Variants in ACTN3 observed in about 807,000 individuals in gnomAD.
ACTN3 encodes the protein actinin alpha 3, also known as alpha-actinin-3.
ACTN3 carries 91 observed loss-of-function variants against 119.6 expected under a neutral mutation model. The observed-to-expected ratio is 0.76, with a 90% CI of 0.64 to 0.91. The LOEUF is 0.91. ACTN3 is among the 40% of genes least tolerant of loss of function. ACTN3 has a pLI of 0.00. For synonymous variants in ACTN3, 456 were observed against 478.8 expected (o/e 0.95, Z 0.62); for missense variants, 1,221 against 1,215.1 (o/e 1.00, Z -0.07).
chr11:66,547,696 C>T (rs773817733), intron 1 of ACTN3, among the ~76,000 whole-genome samples: 6 of 152,162 alleles, frequency 3.9e-5, no homozygotes, highest in Middle Eastern at 3.2e-3. Flanking sequence ...TCCCAAGATA[C>T]CCCAGGCATG....
At chr11:66,558,213 G>A (rs2134933950) in intron 11 of ACTN3, 39 bp downstream of exon 11, 3 of 1,605,664 alleles carry the variant, frequency 1.9e-6, no homozygotes, top group East Asian at 2.2e-5. Context: ...CTGTCTCTTG[G>A]GGTGGAGATT....
intron 1 of ACTN3, 83 bp downstream of exon 1, chr11:66,547,167 G>A: frequency 7.2e-7 from 1 of 1,386,782 alleles, no homozygotes; most frequent in Non-Finnish European, 9.4e-7. Flanking sequence ...GCAGTGCAGG[G>A]GCAGAGCTTG....
chr11:66,561,979 G>A, intron 17 of ACTN3, 43 bp from the exon 18 acceptor site: 1 of 1,564,330 alleles, frequency 6.4e-7, no homozygotes. Flanking sequence ...CAGTGGCCAG[G>A]CACTGGCCGC....
At position 66,562,930 on chromosome 11, in the gene ACTN3, C is replaced by T. The variant is rs753070963; in HGVS notation, c.2523C>T (p.Ser841=). The change falls in exon 20 of 21, where the codon TCC becomes TCT. Residue 841 remains serine (S), a synonymous_variant. Transcript: ENST00000513398. ...ETDTTEQVVA[S]FKILAGDKNY... is the part of the protein sequence containing the mutation. ...ACACGACTGAGCAAGTTGTAGCTTC[C>T]TTCAAGATCTTGGCAGGAGACAAGG... 4 of 1,613,448 alleles carry T rather than the reference C, an allele frequency of 2.5e-6. No individual in the cohort carries two copies. In the African/African-American group the frequency reaches 4.0e-5, roughly 16 times the overall value.
intron 11 of ACTN3, chr11:66,558,829 G>A (rs1341403110): frequency 5.8e-6 from 1 of 172,584 alleles, no homozygotes; most frequent in African/African-American, 2.4e-5. Context: ...CATACTCAAA[G>A]TATACTGACG....
At chr11:66,561,730 A>C in intron 17 of ACTN3, 93 bp downstream of exon 17, 1 of 1,428,056 alleles carries the variant, frequency 7.0e-7, no homozygotes, top group Non-Finnish European at 9.4e-7. Context: ...GTGTCCCAGC[A>C]GAGTCCCCAG....
Position 66,561,361 on chromosome 11 carries a change from G to T in ACTN3, c.1995G>T (p.Glu665Asp), listed in dbSNP as rs1857757743. The part of the protein sequence containing the change: ...AIGPWIQAKV[E>D]EVGRLAAGLA... ...GACCCTGGATCCAGGCGAAGGTGGA[G>T]GTAAGGGCTGGGATAGTGGGTCCAA... Residue 665 changes from glutamate (E) to aspartate (D), a missense_variant and splice_region_variant, in exon 16 of 21, where the codon GAG becomes GAT. By Grantham distance (45) the Glu-to-Asp change is conservative. This residue lies in a region of ACTN3 where 934 missense variants were observed against 899.9 expected (regional missense o/e 1.04). Coordinates refer to ENST00000513398, the MANE Select transcript of ACTN3 (RefSeq NM_001104.4). 2 of 1,609,700 alleles carry T rather than the reference G, an allele frequency of 1.2e-6. No homozygotes were observed. The highest frequency in any genetic ancestry group is 1.7e-6 in the Non-Finnish European group (2 of 1,177,724).
chr11:66,559,933 G>T, intron 12 of ACTN3, 35 bp from the exon 13 acceptor site: 1 of 1,557,446 alleles, frequency 6.4e-7, no homozygotes, highest in Non-Finnish European at 8.7e-7. Context: ...CTGGGCTGGG[G>T]CTGGCCCCAC....
In ACTN3 at chr11:66,563,196, C is replaced by G; in HGVS notation, c.*3C>G. ...TCTATGGGGAGAGCGACCTTTGACC[C>G]CAACCACTGAGGTTCTCTATGCAAG... is the stretch of plus-strand genomic sequence containing the variant. On this transcript the variant is annotated 3_prime_UTR_variant, in exon 21 of 21. Transcript: ENST00000513398. 1 of 1,595,434 alleles carries G rather than the reference C, an allele frequency of 6.3e-7. No individual in the cohort carries two copies. Among genetic ancestry groups the G allele is most frequent in the Non-Finnish European group, 8.6e-7 (1 of 1,168,878 alleles).
chr11:66,546,809 C>T, upstream of ACTN3: 2 of 1,530,586 alleles, frequency 1.3e-6, no homozygotes, highest in Non-Finnish European at 1.7e-6. Flanking sequence ...CTCCTTCACC[C>T]CCATCCGGCC....
At position 66,563,272 on chromosome 11, in the gene ACTN3, G is replaced by A; in HGVS notation, c.*79G>A. On this transcript the variant is annotated 3_prime_UTR_variant, in exon 21 of 21. Transcript: ENST00000513398. The stretch of plus-strand genomic sequence containing the variant: ...TGATCCCATCCGTCCCTCGGAGCAA[G>A]GGCCTAAGAGAAAAGCCAGCCAAGT... The A allele has an allele frequency of 6.8e-7, 1 of 1,479,262 alleles. No individual in the cohort carries two copies. The highest frequency in any genetic ancestry group is 9.0e-7 in the Non-Finnish European group (1 of 1,111,446). The allele number at this position is 1,479,262 out of a possible 1,614,324, so 91.6% of individuals were successfully genotyped here.
chr11:66,557,912 G>C lies in ACTN3; in HGVS notation c.1111G>C (p.Glu371Gln), dbSNP rs368474114. The change falls in exon 10 of 21, where the codon GAG (glutamate) becomes CAG (glutamine). Residue 371 changes from glutamate to glutamine, a missense_variant. Glu to Gln is a conservative substitution (Grantham distance 29, BLOSUM62 2). Coordinates refer to ENST00000513398, the MANE Select transcript of ACTN3 (RefSeq NM_001104.4). ...LSHRPAFMPS[E>Q]GKLVSDIANA... ...CCACCGGCCTGCCTTCATGCCCTCC[G>C]AGGGCAAGCTGGTCTCGGTGAGCTC... The C allele has an allele frequency of 2.0e-5, 31 of 1,584,910 alleles. No homozygotes were observed. The highest frequency in any genetic ancestry group is 2.4e-5 in the Non-Finnish European group (28 of 1,165,282).
intron 3 of ACTN3, among the ~76,000 whole-genome samples, chr11:66,553,412 C>T (rs1857517989): frequency 6.6e-6 from 1 of 151,004 alleles, no homozygotes; most frequent in South Asian, 2.1e-4. Flanking sequence ...AAAAATTAGC[C>T]GGGTTTGGTG....
chr11:66,560,248 G>C lies in ACTN3; in HGVS notation c.1614G>C (p.Trp538Cys). ...GGCGGGCCGCGCCCTTCAACAACTG[G>C]CTGGATGGTGCCGTGGAGGACCTGC... Reference protein sequence around the residue: ...FARRAAPFNNWLDGAVEDLQD... With the variant: ...FARRAAPFNNCLDGAVEDLQD... Residue 538 changes from tryptophan to cysteine, a missense_variant, in exon 14 of 21, where the codon TGG becomes TGC. Trp to Cys is a radical substitution (Grantham distance 215). Transcript: ENST00000513398. 6.2e-7 allele frequency: 1 copy of C among 1,613,234 alleles called. No individual in the cohort carries two copies. Among genetic ancestry groups the C allele is most frequent in the Non-Finnish European group, 8.5e-7 (1 of 1,179,618 alleles).
At position 66,558,054 on chromosome 11, in the gene ACTN3, G is replaced by C. The variant is rs1295443077; in HGVS notation, c.1156G>C (p.Glu386Gln). The C allele has an allele frequency of 6.2e-7, 1 of 1,613,898 alleles. No homozygotes were observed. Among genetic ancestry groups the C allele is most frequent in the Non-Finnish European group, 8.5e-7 (1 of 1,179,876 alleles). The change falls in exon 11 of 21, where the codon GAG becomes CAG. Residue 386 changes from glutamate (E) to glutamine (Q), a missense_variant. By Grantham distance (29) the Glu-to-Gln change is conservative (BLOSUM62 2). Around this residue, in one of 3 missense-constraint regions of ACTN3, gnomAD observed 934 missense variants for 899.9 expected, o/e 1.04. Coordinates refer to ENST00000513398, the MANE Select transcript of ACTN3 (RefSeq NM_001104.4). ...SDIANAWRGLEQVEKGYEDWL... is the reference protein window; with the variant it reads ...SDIANAWRGLQQVEKGYEDWL... ...CATCGCCAACGCCTGGCGGGGGCTG[G>C]AGCAGGTGGAAAAGGGCTATGAGGA... is the stretch of plus-strand genomic sequence containing the variant.
At position 66,555,015 on chromosome 11, in the gene ACTN3, G is replaced by A. The variant is rs1407640947; in HGVS notation, c.558-115G>A. 7.6e-6 allele frequency: 7 copies of A among 918,168 alleles called. No homozygotes were observed. In the East Asian group the frequency reaches 1.8e-4, roughly 24 times the overall value. The allele number at this position is 918,168 out of a possible 1,614,324, so 56.9% of individuals were successfully genotyped here. On this transcript the variant is annotated intron_variant, in intron 5 of 20. Transcript: ENST00000513398. ...CCTCAAACGCCAAGCTAAGGGATTT[G>A]TACTTTACTCCATTTTACAGATGAG... is the stretch of plus-strand genomic sequence containing the variant.
chr11:66,553,910 T>C, intron 3 of ACTN3, 135 bp from the exon 4 acceptor site: 1 of 543,644 alleles, frequency 1.8e-6, no homozygotes. Context: ...ACCTGCTAGG[T>C]GCTCACCTAC....
intron 11 of ACTN3, 192 bp from the exon 12 acceptor site, chr11:66,559,044 C>T: frequency 2.1e-6 from 1 of 480,372 alleles, no homozygotes; most frequent in South Asian, 8.8e-5. Context: ...ACGCTGATGT[C>T]ATTTGCGGAT....
In ACTN3 at chr11:66,554,470, AAAG is replaced by A. The variant is rs1803928891; in HGVS notation, c.470-62_470-60del. The A allele has an allele frequency of 3.9e-6, 5 of 1,276,484 alleles. No individual in the cohort carries two copies. In the Middle Eastern group the frequency reaches 7.7e-4, roughly 196 times the overall value. The allele number at this position is 1,276,484 out of a possible 1,614,324, so 79.1% of individuals were successfully genotyped here. A position where few individuals can be genotyped will look rare whatever the true frequency, so the allele number is the denominator to read the frequency against. On this transcript the variant is annotated intron_variant, in intron 4 of 20. Coordinates refer to ENST00000513398, the MANE Select transcript of ACTN3 (RefSeq NM_001104.4). ...AGACCCTGTCTCAAAAAAAAAAAAA[AAAG>A]AAGTGTGAGAGGGCTGACCTGGACC...
Sources: allele counts gnomAD v4.1 joint callset (sites outside exome capture counted in the v4.1 genomes callset), GRCh38; gene constraint gnomAD v4.1.1; regional missense constraint gnomAD v4.1.1; transcripts MANE v1.5; gene names NCBI Gene and HGNC (gene_info 2026-07-23, HGNC 2026-07-21).